Variants in PRKAR1B observed in about 807,000 individuals in gnomAD.
The protein encoded by PRKAR1B is protein kinase cAMP-dependent type I regulatory subunit beta, also known as cAMP-dependent protein kinase type I-beta regulatory subunit.
PRKAR1B carries 22 observed loss-of-function variants against 46.5 expected under a neutral mutation model. That is an observed-to-expected ratio of 0.47 (90% CI 0.34 to 0.68). The LOEUF is 0.68. Ranked by LOEUF, PRKAR1B falls within the 30% of genes least tolerant of loss-of-function variation. The pLI, the probability that PRKAR1B is intolerant of heterozygous loss-of-function variation, is 0.01. For synonymous variants in PRKAR1B, 259 were observed against 217.7 expected, an observed-to-expected ratio of 1.19 and a Z score of -1.67; for missense variants, 445 against 535.6, an observed-to-expected ratio of 0.83 and a Z score of 1.67.
At chr7:676,197 A>T (rs1786571129) in intron 4 of PRKAR1B, among the ~76,000 whole-genome samples, 1 of 152,088 alleles carries the variant, frequency 6.6e-6, no homozygotes, top group Non-Finnish European at 1.5e-5. Context: ...TCAGATGGAG[A>T]CATTTTTGCT....
chr7:634,933 C>T (rs1312677056), intron 4 of PRKAR1B, among the ~76,000 whole-genome samples: 2 of 152,088 alleles, frequency 1.3e-5, no homozygotes, highest in Admixed American at 1.3e-4. Context: ...AGCCACCGCA[C>T]CCAGCCTGCA....
At chr7:597,101 G>A (rs751573398) in intron 6 of PRKAR1B, among the ~76,000 whole-genome samples, 4 of 152,244 alleles carry the variant, frequency 2.6e-5, no homozygotes, top group African/African-American at 4.8e-5. Context: ...TGCAGATTCC[G>A]TTACTATAAA....
intron 2 of PRKAR1B, among the ~76,000 whole-genome samples, chr7:682,740 C>T (rs1206027638): frequency 6.9e-6 from 1 of 145,622 alleles, no homozygotes; most frequent in Non-Finnish European, 1.5e-5. Context: ...GAGACTCTGT[C>T]TCAAAAAAAA....
chr7:727,346 C>CACCCCACACTCT, upstream of PRKAR1B: 1 of 1,173,970 alleles, frequency 8.5e-7, no homozygotes, highest in Non-Finnish European at 1.1e-6. Flanking sequence ...TCCCACACGC[C>CACCCCACACTCT]ACCCCACACT....
rs1023623612 is a variant in PRKAR1B, at chr7:593,591, C to T, written c.708+2555G>A. Among the ~76,000 whole-genome samples the T allele has an allele frequency of 2.6e-5, 4 of 152,156 alleles. No individual in the cohort carries two copies. The highest frequency in any genetic ancestry group is 2.0e-4 in the Admixed American group (3 of 15,280). ...GGCTTATGCAACGCCGGGCCAGGTG[C>T]GCCCAGAGGAGATGGGAACCGCTGT... On this transcript the variant is annotated intron_variant, in intron 7 of 10. Transcript: ENST00000537384. This position sits in a 1 kb window ranked among gnomAD's most constrained non-coding sequence, Gnocchi z 6.1.
At chr7:651,657 A>T (rs1223603529) in intron 4 of PRKAR1B, among the ~76,000 whole-genome samples, 1 of 128,732 alleles carries the variant, frequency 7.8e-6, no homozygotes, top group Non-Finnish European at 1.7e-5. Context: ...ACCTGGGGAA[A>T]CCCCTCTCGG....
chr7:640,163 G>GAA (rs78525437), intron 4 of PRKAR1B, among the ~76,000 whole-genome samples: 2 of 121,620 alleles, frequency 1.6e-5, no homozygotes, highest in Non-Finnish European at 1.8e-5. Flanking sequence ...ACTCCGTCTC[G>GAA]AAAAAAAAAA....
Position 708,418 on chromosome 7 carries a change from C to T in PRKAR1B, c.177+2911G>A, listed in dbSNP as rs1472124359. ...TAAGGATAACCAGAACCCATGGATGCTGAAGTCCCTGATATAAAATGGTGT... is the reference window on the plus strand; with the variant it reads ...TAAGGATAACCAGAACCCATGGATGTTGAAGTCCCTGATATAAAATGGTGT... On this transcript the variant is annotated intron_variant, in intron 2 of 10. Coordinates refer to ENST00000537384, the MANE Select transcript of PRKAR1B (RefSeq NM_001164760.2). Among the ~76,000 whole-genome samples, 12 of 152,318 alleles carry T rather than the reference C, an allele frequency of 7.9e-5. No individual in the cohort carries two copies. The East Asian group carries it at 2.3e-3, about 29-fold the overall frequency.
At chr7:660,542 C>T (rs1371547746) in intron 4 of PRKAR1B, among the ~76,000 whole-genome samples, 103 of 115,634 alleles carry the variant, frequency 8.9e-4, no homozygotes, top group South Asian at 2.7e-3. Flanking sequence ...AGGTCCCCAC[C>T]CCAACGGGTC....
At chr7:660,164 A>T (rs1169076777) in intron 4 of PRKAR1B, among the ~76,000 whole-genome samples, 1 of 151,890 alleles carries the variant, frequency 6.6e-6, no homozygotes, top group Non-Finnish European at 1.5e-5. Flanking sequence ...CCATGAGCCC[A>T]TCCCAGCCTT....
chr7:583,435 C>A (rs1387809636), intron 8 of PRKAR1B, among the ~76,000 whole-genome samples: 1 of 144,378 alleles, frequency 6.9e-6, no homozygotes, highest in Non-Finnish European at 1.5e-5. Flanking sequence ...CGCACACACC[C>A]ACAGTGCACA....
At chr7:625,212 A>C (rs1783318870) in intron 4 of PRKAR1B, among the ~76,000 whole-genome samples, 1 of 152,210 alleles carries the variant, frequency 6.6e-6, no homozygotes, top group Non-Finnish European at 1.5e-5. Context: ...ATTTTGAACG[A>C]AATGAAAATG....
chr7:645,608 C>A (rs1784583524), intron 4 of PRKAR1B, among the ~76,000 whole-genome samples: 1 of 152,180 alleles, frequency 6.6e-6, no homozygotes, highest in African/African-American at 2.4e-5. Context: ...AGTCCCACAG[C>A]CGTCACGGAC....
chr7:613,588 G>A (rs1386786672), intron 4 of PRKAR1B, among the ~76,000 whole-genome samples: 3 of 152,144 alleles, frequency 2.0e-5, no homozygotes, highest in Non-Finnish European at 4.4e-5. Flanking sequence ...TCACACACGC[G>A]GGGTTGAACG....
chr7:659,776 G>A (rs889552723), intron 4 of PRKAR1B, among the ~76,000 whole-genome samples: 13 of 152,126 alleles, frequency 8.5e-5, no homozygotes, highest in East Asian at 1.9e-4. Context: ...GCGCGATCTC[G>A]GCTCACTGCA....
intron 4 of PRKAR1B, among the ~76,000 whole-genome samples, chr7:640,804 ACACAGACAC>A (rs1371827222): frequency 1.0e-5 from 1 of 97,930 alleles, no homozygotes; most frequent in Non-Finnish European, 2.1e-5. Context: ...ACACACACAC[ACACAGACAC>A]AAATGAAATA....
At chr7:606,102 T>C in intron 6 of PRKAR1B, 91 bp downstream of exon 6, 2 of 1,259,808 alleles carry the variant, frequency 1.6e-6, no homozygotes, top group Non-Finnish European at 2.3e-6. Flanking sequence ...GCGCAGTGTT[T>C]GTTGGGGGCC....
chr7:572,874 G>A lies in PRKAR1B; in HGVS notation c.891+6382C>T, dbSNP rs145826745. On this transcript the variant is annotated intron_variant, in intron 9 of 10. Coordinates refer to ENST00000537384, the MANE Select transcript of PRKAR1B (RefSeq NM_001164760.2). Reference sequence around the variant, plus strand: ...CAATGTGCTTTAGAAACTGCTGGAGGAAGAATGACAGTGAGCAGACAGGGC... The same window carrying A: ...CAATGTGCTTTAGAAACTGCTGGAGAAAGAATGACAGTGAGCAGACAGGGC... Among the ~76,000 whole-genome samples the A allele has an allele frequency of 1.3e-3, 195 of 152,370 alleles. 1 individual carries two copies. Among genetic ancestry groups the A allele is most frequent in the African/African-American group, 4.1e-3 (170 of 41,596 alleles).
At chr7:711,634 G>A (rs938052226) in intron 1 of PRKAR1B, 107 bp from the exon 2 acceptor site, 5 of 998,782 alleles carry the variant, frequency 5.0e-6, no homozygotes, top group African/African-American at 4.8e-5. Context: ...GTGGAAGAAA[G>A]TCACTGATTC....
Sources: gnomAD v4.1 joint callset for allele counts (sites outside exome capture counted in the v4.1 genomes callset) on GRCh38, gnomAD v4.1.1 for gene constraint, Gnocchi (gnomAD v3.1) non-coding constraint, MANE v1.5 for transcripts, NCBI Gene and HGNC (gene_info 2026-07-23, HGNC 2026-07-21) for gene names.